Variants in SLCO3A1 observed in about 807,000 individuals in gnomAD.
SLCO3A1 encodes the protein PGE1 transporter.
SLCO3A1 carries 27 observed loss-of-function variants against 63.1 expected under a neutral mutation model. That is an observed-to-expected ratio of 0.43 (90% CI 0.32 to 0.59). The LOEUF (loss-of-function observed/expected upper bound fraction) is 0.59, where lower values mean the gene tolerates loss of function less well. SLCO3A1 is among the 20% of genes least tolerant of loss of function. The pLI, the probability that SLCO3A1 is intolerant of heterozygous loss-of-function variation, is 0.09. For missense variants in SLCO3A1, 773 were observed against 945.8 expected (o/e 0.82, Z 2.40); for synonymous variants, 473 against 409.9 (o/e 1.15, Z -1.86).
At chr15:92,068,909 A>G (rs1369977124) in intron 2 of SLCO3A1, among the ~76,000 whole-genome samples, 3 of 152,194 alleles carry the variant, frequency 2.0e-5, no homozygotes, top group Non-Finnish European at 4.4e-5. Context: ...CCCCACCTGT[A>G]ACACGCTGGG....
Position 92,162,938 on chromosome 15 carries a change from C to T in SLCO3A1, c.1936C>T (p.Gln646Ter), listed in dbSNP as rs2048458491. The T allele has an allele frequency of 6.2e-7, 1 of 1,614,184 alleles. No individual in the cohort carries two copies. The highest frequency in any genetic ancestry group is 8.5e-7 in the Non-Finnish European group (1 of 1,180,034). The change falls in exon 10 of 10, where the codon CAG becomes TAG. Residue 646 changes from glutamine to a stop codon, truncating the protein, a stop_gained. Coordinates refer to ENST00000318445, the MANE Select transcript of SLCO3A1 (RefSeq NM_013272.4). LOFTEE classifies it high-confidence loss of function. Reference sequence around the variant, plus strand: ...CTTCATCCTGTACACCACCACGTGGCAGTGCCTGAGGAAAAACTATAAACG... The same window carrying T: ...CTTCATCCTGTACACCACCACGTGGTAGTGCCTGAGGAAAAACTATAAACG... ...FAFILYTTTW[Q>*]CLRKNYKRYI...
At chr15:92,122,915 A>G (rs2047879980) in intron 5 of SLCO3A1, among the ~76,000 whole-genome samples, 1 of 152,200 alleles carries the variant, frequency 6.6e-6, no homozygotes, top group South Asian at 2.1e-4. Context: ...AGATGAATTA[A>G]AAAGAGGAAT....
chr15:92,163,152 G>A lies in SLCO3A1; in HGVS notation c.*17G>A, dbSNP rs1326783340. On this transcript the variant is annotated 3_prime_UTR_variant, in exon 10 of 10. Transcript: ENST00000318445. ...GTTTTATAGTGACTAAAGGAGGGCT[G>A]AACTCTGTATTAGTAATCCAAGGGT... The A allele has an allele frequency of 6.7e-7, 1 of 1,493,022 alleles. No homozygotes were observed. Among genetic ancestry groups the A allele is most frequent in the East Asian group, 2.3e-5 (1 of 42,566 alleles). 92.5% of individuals were successfully genotyped at this position (1,493,022 alleles called of 1,614,324 possible).
chr15:92,043,460 C>A (rs2046823067), intron 2 of SLCO3A1, among the ~76,000 whole-genome samples: 1 of 152,190 alleles, frequency 6.6e-6, no homozygotes, highest in Admixed American at 6.5e-5. Flanking sequence ...CTCTCACTGG[C>A]CCAGGCAGGC....
chr15:92,026,388 G>C (rs942565009), intron 2 of SLCO3A1, among the ~76,000 whole-genome samples: 2 of 152,234 alleles, frequency 1.3e-5, no homozygotes, highest in African/African-American at 4.8e-5. Context: ...CAGAAGTGAC[G>C]AGAGCAGGTG....
chr15:91,943,051 A>G (rs1899677858), intron 2 of SLCO3A1, among the ~76,000 whole-genome samples: 1 of 152,210 alleles, frequency 6.6e-6, no homozygotes, highest in South Asian at 2.1e-4. Context: ...CACACTGAAA[A>G]CCTCAGGTCT....
rs142606526 is a variant in SLCO3A1, at chr15:91,932,502, A to G, written c.646+16044A>G. ...GCTCTATTGCCCAGGCTGGAGTGCA[A>G]TGGCATGATCTCGGCTCACAGGAAC... is the stretch of plus-strand genomic sequence containing the variant. On this transcript the variant is annotated intron_variant, in intron 2 of 9. Coordinates refer to ENST00000318445, the MANE Select transcript of SLCO3A1 (RefSeq NM_013272.4). Among the ~76,000 whole-genome samples, 304 of 151,944 alleles carry G rather than the reference A, an allele frequency of 2.0e-3. 1 individual carries two copies. Among genetic ancestry groups the G allele is most frequent in the African/African-American group, 7.0e-3 (289 of 41,464 alleles).
intron 2 of SLCO3A1, among the ~76,000 whole-genome samples, chr15:91,999,287 T>C (rs1278365161): frequency 6.6e-6 from 1 of 152,062 alleles, no homozygotes; most frequent in Non-Finnish European, 1.5e-5. Context: ...AAAATAAAAA[T>C]TGAAATTATT....
chr15:92,118,916 G>A (rs1596117480), intron 4 of SLCO3A1, among the ~76,000 whole-genome samples: 1 of 152,148 alleles, frequency 6.6e-6, no homozygotes, highest in Non-Finnish European at 1.5e-5. Context: ...TGCTTTATTT[G>A]CATTCCACCT....
intron 2 of SLCO3A1, among the ~76,000 whole-genome samples, chr15:91,963,545 A>G (rs1900542184): frequency 6.6e-6 from 1 of 152,138 alleles, no homozygotes; most frequent in Admixed American, 6.5e-5. Flanking sequence ...ATTTTATTGC[A>G]GTAGATATTA....
At chr15:92,122,579 G>A (rs1220780322) in intron 5 of SLCO3A1, among the ~76,000 whole-genome samples, 1 of 152,212 alleles carries the variant, frequency 6.6e-6, no homozygotes, top group East Asian at 1.9e-4. Flanking sequence ...TGCCACTTTG[G>A]AAAACTCTTT....
chr15:91,891,352 A>G (rs994851117), intron 1 of SLCO3A1, among the ~76,000 whole-genome samples: 1 of 152,140 alleles, frequency 6.6e-6, no homozygotes, highest in Non-Finnish European at 1.5e-5. Flanking sequence ...CCTGCACCCA[A>G]TGTCTGATCC....
intron 2 of SLCO3A1, among the ~76,000 whole-genome samples, chr15:91,983,695 T>A (rs77051221): frequency 0.045 from 6,901 of 152,188 alleles, 346 homozygotes; most frequent in African/African-American, 0.12. Context: ...AATCAGTGTT[T>A]AAAATGTGTG....
At chr15:92,090,984 A>G (rs2047466849) in intron 2 of SLCO3A1, among the ~76,000 whole-genome samples, 1 of 152,152 alleles carries the variant, frequency 6.6e-6, no homozygotes, top group Non-Finnish European at 1.5e-5. Flanking sequence ...TGGAGCTGGG[A>G]AGTGGTAGAG....
At chr15:91,932,809 T>A (rs370705336) in intron 2 of SLCO3A1, among the ~76,000 whole-genome samples, 2 of 152,240 alleles carry the variant, frequency 1.3e-5, no homozygotes, top group East Asian at 3.8e-4. Context: ...GGTCGTTAGA[T>A]CTAGAGACTT....
rs142108172 is a variant in SLCO3A1 at position 92,088,902 on chromosome 15, T to C, written c.647-5979T>C. 3.4e-3 allele frequency among the ~76,000 whole-genome samples: 523 copies of C among 152,314 alleles called. 4 individuals carry two copies. The highest frequency in any genetic ancestry group is 0.012 in the African/African-American group (504 of 41,564). Reference sequence around the variant, plus strand: ...CTCTTGGTCGCTTAAGGTAACATAGTTGCCTTAAGGGATTGGGATGTGGAG... The same window carrying C: ...CTCTTGGTCGCTTAAGGTAACATAGCTGCCTTAAGGGATTGGGATGTGGAG... On this transcript the variant is annotated intron_variant, in intron 2 of 9. Coordinates refer to ENST00000318445, the MANE Select transcript of SLCO3A1 (RefSeq NM_013272.4).
At chr15:91,972,002 G>A (rs895021367) in intron 2 of SLCO3A1, among the ~76,000 whole-genome samples, 1 of 152,012 alleles carries the variant, frequency 6.6e-6, no homozygotes, top group African/African-American at 2.4e-5. Context: ...TCCTTTGAGC[G>A]TCATGTTGGC....
chr15:92,088,776 T>C (rs2047435811), intron 2 of SLCO3A1, among the ~76,000 whole-genome samples: 1 of 152,188 alleles, frequency 6.6e-6, no homozygotes, highest in Non-Finnish European at 1.5e-5. Flanking sequence ...CACATCCCCA[T>C]TTCTGACTCG....
At chr15:91,915,718 TAGA>T (rs1206125497) in intron 1 of SLCO3A1, among the ~76,000 whole-genome samples, 1 of 151,936 alleles carries the variant, frequency 6.6e-6, no homozygotes, top group Non-Finnish European at 1.5e-5. Flanking sequence ...CGGAAGAGGG[TAGA>T]AGCTTTCAGG....
Sources: allele counts gnomAD v4.1 joint callset (sites outside exome capture counted in the v4.1 genomes callset), GRCh38; gene constraint gnomAD v4.1.1; transcripts MANE v1.5; gene names NCBI Gene and HGNC (gene_info 2026-07-23, HGNC 2026-07-21).